The following SRR variants were observed in gnomAD, a reference collection of about 807,000 sequenced individuals.
SRR encodes D-serine ammonia-lyase.
SRR carries 19 observed loss-of-function variants against 32.7 expected under a neutral mutation model. The observed-to-expected ratio is 0.58, with a 90% confidence interval of 0.40 to 0.85. SRR has a LOEUF of 0.85. SRR is among the 40% of genes least tolerant of loss of function. The pLI is 0.00. For synonymous variants in SRR, 142 were observed against 140.9 expected, an observed-to-expected ratio of 1.01 and a Z score of -0.06; for missense variants, 373 against 404.7, an observed-to-expected ratio of 0.92 and a Z score of 0.67.
intron 4 of SRR, 119 bp from the exon 5 acceptor site, chr17:2,321,187 T>C (rs922725732): frequency 2.6e-6 from 3 of 1,176,026 alleles, no homozygotes; most frequent in Admixed American, 4.1e-5. Flanking sequence ...TATATATCTC[T>C]AGTACCTGAA....
upstream of SRR, chr17:2,303,479 T>C (rs1337031245): frequency 2.0e-5 from 26 of 1,321,432 alleles, no homozygotes; most frequent in South Asian, 6.1e-5. Flanking sequence ...GCGAGAGAGG[T>C]AGGGCAGCGA....
intron 1 of SRR, among the ~76,000 whole-genome samples, chr17:2,312,030 C>A (rs1454243309): frequency 1.3e-5 from 2 of 151,836 alleles, no homozygotes; most frequent in African/African-American, 4.8e-5. Context: ...GGCAACACAG[C>A]AAGACTTCCT....
upstream of SRR, chr17:2,303,789 C>T (rs1368416121): frequency 2.3e-6 from 3 of 1,315,910 alleles, no homozygotes; most frequent in Non-Finnish European, 2.0e-6. Flanking sequence ...CCACCACAGA[C>T]GGGCGGCGCG....
intron 1 of SRR, among the ~76,000 whole-genome samples, chr17:2,306,279 G>T (rs2151427850): frequency 6.6e-6 from 1 of 151,900 alleles, no homozygotes; most frequent in East Asian, 2.0e-4. Context: ...TTGCTCCACT[G>T]CACTCCAGCC....
At chr17:2,316,181 A>G (rs1044641759) in intron 2 of SRR, among the ~76,000 whole-genome samples, 1 of 152,178 alleles carries the variant, frequency 6.6e-6, no homozygotes, top group Non-Finnish European at 1.5e-5. Flanking sequence ...CAGTACAGTA[A>G]CATGCTATAC....
rs536120942 is a variant in SRR, at chr17:2,316,879, A to ATTT, written c.169-974_169-972dup. On this transcript the variant is annotated intron_variant, in intron 2 of 7. Transcript: ENST00000344595. ...AGGCGCCTGCCACCACGCCCAGCTA[A>ATTT]TTTTTTTTTTTTTTTTTTTGAATTT... is the stretch of plus-strand genomic sequence containing the variant. Among the ~76,000 whole-genome samples, 1,202 of 123,718 alleles carry ATTT rather than the reference A, an allele frequency of 9.7e-3. 19 individuals are homozygous for ATTT. Among genetic ancestry groups the ATTT allele is most frequent in the African/African-American group, 0.014 (455 of 32,526 alleles). 81.2% of individuals were successfully genotyped at this position (123,718 alleles called of 152,430 possible).
intron 3 of SRR, among the ~76,000 whole-genome samples, chr17:2,318,557 C>T (rs1455167336): frequency 6.0e-5 from 9 of 151,026 alleles, no homozygotes; most frequent in East Asian, 1.9e-4. Context: ...CTCCACCTCC[C>T]GGGTTCACAC....
At position 2,324,961 on chromosome 17, in the gene SRR, T is replaced by C. The variant is rs778574194; in HGVS notation, c.*1088T>C. The C allele has an allele frequency of 2.9e-6, 3 of 1,026,036 alleles. No homozygotes were observed. The highest frequency in any genetic ancestry group is 4.1e-6 in the Non-Finnish European group (3 of 726,534). The allele number at this position is 1,026,036 out of a possible 1,614,324, so 63.6% of individuals were successfully genotyped here. A position where few individuals can be genotyped will look rare whatever the true frequency, so the allele number is the denominator to read the frequency against. The stretch of plus-strand genomic sequence containing the variant: ...GCCCTAGCCCAATCTGAGGCTAAGA[T>C]TGGTAAACTGTAAGCCCACACTTAA... On this transcript the variant is annotated 3_prime_UTR_variant, in exon 8 of 8. Transcript: ENST00000344595.
Position 2,323,818 on chromosome 17 carries a change from T to A in SRR, c.968T>A (p.Ile323Lys). The A allele has an allele frequency of 6.2e-7, 1 of 1,614,198 alleles. No homozygotes were observed. The highest frequency in any genetic ancestry group is 8.5e-7 in the Non-Finnish European group (1 of 1,180,042). ...SGGNVDLTSS[I>K]TWVKQAERPA... is the part of the protein sequence containing the mutation. ...GGAAATGTAGACTTAACCTCCTCCA[T>A]AACTTGGGTGAAGCAGGCTGAAAGG... Residue 323 changes from isoleucine (I) to lysine (K), a missense_variant, in exon 8 of 8, where the codon ATA (isoleucine) becomes AAA (lysine). Transcript: ENST00000344595.
At chr17:2,315,879 C>A in intron 2 of SRR, 151 bp downstream of exon 2, 1 of 713,682 alleles carries the variant, frequency 1.4e-6, no homozygotes, top group Non-Finnish European at 2.2e-6. Context: ...CCTTTCAAGT[C>A]CTTGTTTTAC....
chr17:2,307,299 C>A, intron 1 of SRR: 1 of 1,101,296 alleles, frequency 9.1e-7, no homozygotes, highest in Non-Finnish European at 1.4e-6. Context: ...TTAGGAAAGG[C>A]CTGTCAAAGC....
In SRR at chr17:2,323,810, C is replaced by G; in HGVS notation, c.960C>G (p.Thr320=). ...IVLSGGNVDL[T]SSITWVKQAE... is the part of the protein sequence containing the mutation. ...TCAGTGGTGGAAATGTAGACTTAAC[C>G]TCCTCCATAACTTGGGTGAAGCAGG... is the stretch of plus-strand genomic sequence containing the variant. The change falls in exon 8 of 8, where the codon ACC becomes ACG. Residue 320 remains threonine, a synonymous_variant. Coordinates refer to ENST00000344595, the MANE Select transcript of SRR (RefSeq NM_021947.3). The G allele has an allele frequency of 1.2e-6, 2 of 1,614,196 alleles. No homozygotes were observed. The highest frequency in any genetic ancestry group is 1.7e-6 in the Non-Finnish European group (2 of 1,180,038).
At chr17:2,303,447 G>A (rs886943023), upstream of SRR, 103 of 1,302,358 alleles carry the variant, frequency 7.9e-5, no homozygotes, top group Admixed American at 5.0e-4. Flanking sequence ...AGGACTGGCC[G>A]AGCCCGACCC....
At chr17:2,318,128 G>A (rs1396771452) in intron 3 of SRR, 132 bp downstream of exon 3, 2 of 1,079,050 alleles carry the variant, frequency 1.9e-6, no homozygotes, top group Admixed American at 3.0e-5. Flanking sequence ...CAAGCAATAT[G>A]AACATAAGTT....
At chr17:2,320,468 C>A (rs146115777) in intron 4 of SRR, among the ~76,000 whole-genome samples, 46 of 150,318 alleles carry the variant, frequency 3.1e-4, no homozygotes, top group African/African-American at 1.1e-3. Flanking sequence ...ATTGGCCAGG[C>A]TGGTCTCGAA....
intron 1 of SRR, chr17:2,306,816 A>C (rs577239058): frequency 4.0e-6 from 3 of 757,590 alleles, no homozygotes; most frequent in South Asian, 2.8e-5. Context: ...TCTTCATTGG[A>C]GGGCTGAGCT....
At chr17:2,310,420 T>C (rs1199286869) in intron 1 of SRR, among the ~76,000 whole-genome samples, 2 of 152,102 alleles carry the variant, frequency 1.3e-5, no homozygotes, top group Non-Finnish European at 2.9e-5. Flanking sequence ...TTCAACGTGT[T>C]GCCCAGGCTG....
chr17:2,314,218 G>A (rs1057399643), intron 1 of SRR, among the ~76,000 whole-genome samples: 4 of 152,192 alleles, frequency 2.6e-5, no homozygotes, highest in African/African-American at 9.6e-5. Context: ...GGGAGTCTGA[G>A]GCAGGCGGAT....
Position 2,324,965 on chromosome 17 carries a change from T to A in SRR, c.*1092T>A. ...TAGCCCAATCTGAGGCTAAGATTGG[T>A]AAACTGTAAGCCCACACTTAACCTT... On this transcript the variant is annotated 3_prime_UTR_variant, in exon 8 of 8. Coordinates refer to ENST00000344595, the MANE Select transcript of SRR (RefSeq NM_021947.3). 3.1e-6 allele frequency: 3 copies of A among 974,066 alleles called. No homozygotes were observed. Among genetic ancestry groups the A allele is most frequent in the Non-Finnish European group, 4.4e-6 (3 of 680,288 alleles). 60.3% of individuals were successfully genotyped at this position (974,066 alleles called of 1,614,324 possible). A position where few individuals can be genotyped will look rare whatever the true frequency, so the allele number is the denominator to read the frequency against.
Sources: gnomAD v4.1 joint callset for allele counts (sites outside exome capture counted in the v4.1 genomes callset) on GRCh38, gnomAD v4.1.1 for gene constraint, MANE v1.5 for transcripts, NCBI Gene and HGNC (gene_info 2026-07-23, HGNC 2026-07-21) for gene names.